Variants in MAP4 observed in about 807,000 individuals in gnomAD.
The protein encoded by MAP4 is microtubule-associated protein 4.
Under a neutral mutation model 170.2 loss-of-function variants are expected in MAP4, and 76 were observed. That is an observed-to-expected ratio of 0.45 (90% CI 0.37 to 0.54). MAP4 has a LOEUF of 0.54. Among genes scored for constraint, MAP4 ranks in the 20% least tolerant of loss-of-function variants. The probability of loss-of-function intolerance (pLI) is 0.00; values close to 1 mark genes in which losing one functional copy is unlikely to be tolerated. For synonymous variants in MAP4, 909 were observed against 994.5 expected, an observed-to-expected ratio of 0.91 and a Z score of 1.62; for missense variants, 2,506 against 2,748.0, an observed-to-expected ratio of 0.91 and a Z score of 1.97.
chr3:47,985,801 A>T (rs1345569495), intron 2 of MAP4, among the ~76,000 whole-genome samples: 2 of 152,238 alleles, frequency 1.3e-5, no homozygotes, highest in Non-Finnish European at 2.9e-5. Flanking sequence ...AATTGCAGAC[A>T]AGAAGAAAAA....
chr3:47,860,616 G>A (rs1216460560), intron 17 of MAP4, among the ~76,000 whole-genome samples: 4 of 152,104 alleles, frequency 2.6e-5, no homozygotes, highest in Admixed American at 2.6e-4. Context: ...TATTCCAGCT[G>A]GTAAATGAAG....
intron 1 of MAP4, among the ~76,000 whole-genome samples, chr3:48,046,322 A>C (rs2100124569): frequency 6.6e-6 from 1 of 152,234 alleles, no homozygotes; most frequent in Non-Finnish European, 1.5e-5. Flanking sequence ...GTGACAGAAG[A>C]GCTGGCAGCG....
At chr3:47,889,039 C>G (rs967913751) in intron 10 of MAP4, among the ~76,000 whole-genome samples, 4 of 152,194 alleles carry the variant, frequency 2.6e-5, no homozygotes, top group African/African-American at 7.2e-5. Context: ...GGTAACAAAG[C>G]TGGCCACAGA....
chr3:48,087,743 G>A (rs772849236), intron 1 of MAP4, among the ~76,000 whole-genome samples: 12 of 68,048 alleles, frequency 1.8e-4, no homozygotes, highest in Non-Finnish European at 3.8e-4. Flanking sequence ...ACACACGCAC[G>A]CGCACACACA....
chr3:47,863,937 T>TGTGTGTGGGGCGGG (rs374208589), intron 17 of MAP4, among the ~76,000 whole-genome samples: 1 of 138,356 alleles, frequency 7.2e-6, no homozygotes, highest in African/African-American at 2.7e-5. Flanking sequence ...TGTGTGTGTG[T>TGTGTGTGGGGCGGG]GGGGAGTGGT....
chr3:47,968,670 C>A (rs1049274629), intron 3 of MAP4, among the ~76,000 whole-genome samples: 2 of 151,870 alleles, frequency 1.3e-5, no homozygotes, highest in African/African-American at 2.4e-5. Context: ...ACTAACATAA[C>A]CTTCTACCAA....
chr3:47,943,574 T>C (rs2100057852), intron 3 of MAP4, among the ~76,000 whole-genome samples: 4 of 149,314 alleles, frequency 2.7e-5, no homozygotes, highest in Admixed American at 6.6e-5. Context: ...CCGTACTGCA[T>C]TCCAGCCTAG....
intron 1 of MAP4, among the ~76,000 whole-genome samples, chr3:48,045,063 C>T (rs1028764223): frequency 2.0e-5 from 3 of 151,666 alleles, no homozygotes; most frequent in Non-Finnish European, 4.4e-5. Flanking sequence ...TCAAGACCAG[C>T]CTGGACAACA....
chr3:48,025,420 C>T (rs1293308088), intron 1 of MAP4, among the ~76,000 whole-genome samples: 1 of 151,438 alleles, frequency 6.6e-6, no homozygotes, highest in Non-Finnish European at 1.5e-5. Context: ...TCCCAAGTAG[C>T]GGGCAGTACA....
At chr3:47,869,855 C>T (rs890754766) in intron 15 of MAP4, among the ~76,000 whole-genome samples, 3 of 152,040 alleles carry the variant, frequency 2.0e-5, no homozygotes, top group Admixed American at 6.6e-5. Context: ...AGAGCAAAGA[C>T]GGGGAGATAG....
At position 47,855,110 on chromosome 3, in the gene MAP4, C is replaced by T. The variant is rs1041779642; in HGVS notation, c.6696+138G>A. 12 of 640,566 alleles carry T rather than the reference C, an allele frequency of 1.9e-5. No individual in the cohort carries two copies. Among genetic ancestry groups the T allele is most frequent in the Non-Finnish European group, 3.1e-5 (11 of 352,096 alleles). 39.7% of individuals were successfully genotyped at this position (640,566 alleles called of 1,614,324 possible). On this transcript the variant is annotated intron_variant, in intron 19 of 20. Transcript: ENST00000683076. This position sits in a 1 kb window ranked among gnomAD's most constrained non-coding sequence, Gnocchi z 5.1. Reference sequence around the variant, plus strand: ...GGACTGATGATACACGGTGGGAAAACGGCAATGGTGTGGGTGAAGACATGA... The same window carrying T: ...GGACTGATGATACACGGTGGGAAAATGGCAATGGTGTGGGTGAAGACATGA...
intron 1 of MAP4, among the ~76,000 whole-genome samples, chr3:48,049,800 T>C (rs910975789): frequency 1.3e-5 from 2 of 149,722 alleles, no homozygotes; most frequent in Admixed American, 6.7e-5. Context: ...TAGCTGGGCA[T>C]GGTGGCGCGT....
intron 2 of MAP4, among the ~76,000 whole-genome samples, chr3:47,990,471 G>A (rs1310928669): frequency 6.6e-6 from 1 of 152,178 alleles, no homozygotes. Flanking sequence ...AACTTAGCCA[G>A]GCCATTGCCC....
chr3:47,860,936 G>T (rs2064579385), intron 17 of MAP4, among the ~76,000 whole-genome samples: 1 of 152,168 alleles, frequency 6.6e-6, no homozygotes. Context: ...GTAAAAAAAA[G>T]AATGAGCCAG....
intron 1 of MAP4, among the ~76,000 whole-genome samples, chr3:48,048,236 G>C (rs2100125612): frequency 6.6e-6 from 1 of 152,202 alleles, no homozygotes; most frequent in African/African-American, 2.4e-5. Context: ...GCTGTAACCT[G>C]ATCATGGTGC....
intron 1 of MAP4, among the ~76,000 whole-genome samples, chr3:48,075,184 A>C (rs928122846): frequency 3.3e-5 from 5 of 152,206 alleles, no homozygotes; most frequent in Admixed American, 6.5e-5. Flanking sequence ...AAAATACAAG[A>C]AAGCAAGCAT....
chr3:48,067,045 C>T (rs6805454), intron 1 of MAP4, among the ~76,000 whole-genome samples: 2,221 of 151,784 alleles, frequency 0.015, 53 homozygotes, highest in Non-Finnish European at 0.013. Context: ...TTTCACCATG[C>T]TAGCCAGGAT....
chr3:48,062,045 T>C (rs2100135856), intron 1 of MAP4, among the ~76,000 whole-genome samples: 1 of 152,180 alleles, frequency 6.6e-6, no homozygotes, highest in East Asian at 1.9e-4. Context: ...ATGGCGGTTT[T>C]GTCGAGTAGA....
At chr3:48,061,416 G>A (rs1228830456) in intron 1 of MAP4, among the ~76,000 whole-genome samples, 1 of 152,154 alleles carries the variant, frequency 6.6e-6, no homozygotes, top group East Asian at 1.9e-4. Flanking sequence ...CTGGTCTCCA[G>A]CTCCTAACTG....
Sources: allele counts gnomAD v4.1 joint callset (sites outside exome capture counted in the v4.1 genomes callset), GRCh38; gene constraint gnomAD v4.1.1; non-coding constraint Gnocchi (gnomAD v3.1); transcripts MANE v1.5; gene names NCBI Gene and HGNC (gene_info 2026-07-23, HGNC 2026-07-21).